Variants in ME1 observed in about 807,000 individuals in gnomAD.
The protein encoded by ME1 is NADP-dependent malic enzyme.
In ME1, 74 loss-of-function variants were observed where a neutral mutation model predicts 66.4. The observed-to-expected ratio is 1.11, with a 90% CI of 0.92 to 1.35. The LOEUF (loss-of-function observed/expected upper bound fraction) is 1.35. ME1 is among the 40% of genes most tolerant of loss of function. ME1 has a pLI of 0.00. For missense variants in ME1, 750 were observed against 694.1 expected, an observed-to-expected ratio of 1.08 and a Z score of -0.90; for synonymous variants, 251 against 235.6, an observed-to-expected ratio of 1.07 and a Z score of -0.60.
At chr6:83,371,212 T>TTA (rs1562492735) in intron 3 of ME1, among the ~76,000 whole-genome samples, 2 of 152,216 alleles carry the variant, frequency 1.3e-5, no homozygotes, top group African/African-American at 4.8e-5. Context: ...GAGCAATAGC[T>TTA]TCTTAGTTGA....
chr6:83,364,662 A>G (rs1769065993), intron 3 of ME1, among the ~76,000 whole-genome samples: 1 of 152,152 alleles, frequency 6.6e-6, no homozygotes, highest in Non-Finnish European at 1.5e-5. Context: ...GAGACTATAT[A>G]TAGGTACATA....
intron 1 of ME1, among the ~76,000 whole-genome samples, chr6:83,428,847 T>C (rs1770423831): frequency 6.6e-6 from 1 of 152,232 alleles, no homozygotes; most frequent in Non-Finnish European, 1.5e-5. Flanking sequence ...AAAATGTGCT[T>C]TTAACATATT....
chr6:83,302,370 G>A (rs558483423), intron 6 of ME1, among the ~76,000 whole-genome samples: 2 of 152,172 alleles, frequency 1.3e-5, no homozygotes, highest in East Asian at 3.9e-4. Flanking sequence ...CTTAGTTCCT[G>A]GGTGATGAAA....
At chr6:83,253,418 T>C (rs1790756231) in intron 7 of ME1, among the ~76,000 whole-genome samples, 1 of 152,164 alleles carries the variant, frequency 6.6e-6, no homozygotes, top group Admixed American at 6.6e-5. Flanking sequence ...GCTCATTTTC[T>C]AGCTAATTGA....
At chr6:83,249,012 T>G (rs1790673151) in intron 7 of ME1, among the ~76,000 whole-genome samples, 1 of 152,094 alleles carries the variant, frequency 6.6e-6, no homozygotes, top group South Asian at 2.1e-4. Flanking sequence ...TAAAAAAGAA[T>G]AAAACACAGT....
chr6:83,213,493 C>A (rs1230055718), intron 13 of ME1, among the ~76,000 whole-genome samples: 1 of 152,034 alleles, frequency 6.6e-6, no homozygotes, highest in Non-Finnish European at 1.5e-5. Flanking sequence ...GCCTCAGCCT[C>A]CCAAGGGTTA....
intron 6 of ME1, among the ~76,000 whole-genome samples, chr6:83,310,248 T>C (rs975850680): frequency 6.6e-6 from 1 of 152,098 alleles, no homozygotes; most frequent in African/African-American, 2.4e-5. Context: ...CAGTGACTAA[T>C]TGATGCAGGA....
intron 7 of ME1, among the ~76,000 whole-genome samples, chr6:83,243,976 T>A (rs1050066229): frequency 6.7e-6 from 1 of 149,776 alleles, no homozygotes; most frequent in Non-Finnish European, 1.5e-5. Flanking sequence ...CTCTGGAAGT[T>A]TGAAAGAAAA....
At chr6:83,284,427 A>C (rs1253468565) in intron 6 of ME1, among the ~76,000 whole-genome samples, 1 of 152,142 alleles carries the variant, frequency 6.6e-6, no homozygotes, top group African/African-American at 2.4e-5. Context: ...AAAACCTGGC[A>C]AAGACACAAC....
intron 3 of ME1, among the ~76,000 whole-genome samples, chr6:83,375,040 G>T (rs1769260869): frequency 6.6e-6 from 1 of 152,074 alleles, no homozygotes; most frequent in African/African-American, 2.4e-5. Context: ...GAGGCCTCTG[G>T]CTTCATTCTT....
At chr6:83,267,961 T>A (rs1451820257) in intron 6 of ME1, among the ~76,000 whole-genome samples, 1 of 152,182 alleles carries the variant, frequency 6.6e-6, no homozygotes, top group Non-Finnish European at 1.5e-5. Context: ...AAGTGTCACA[T>A]TCTTCTTTTT....
chr6:83,357,935 C>CTCTCTCTCTCTCTCTATATATA (rs1447805761), intron 3 of ME1, among the ~76,000 whole-genome samples: 1 of 30,038 alleles, frequency 3.3e-5, no homozygotes, highest in African/African-American at 1.2e-4. Context: ...CTCTCTCTCT[C>CTCTCTCTCTCTCTCTATATATA]TATATATATA....
rs988982767 is a variant in ME1, at chr6:83,352,124, A to G, written c.378T>C (p.Thr126=). ...VFRKPRGLFI[T]IHDRGHIASV... ...AAGCAATATGCCCTCGATCGTGGAT[A>G]GTAATAAAGAGACCTCTGCAGAAAA... Residue 126 remains threonine, a synonymous_variant, in exon 4 of 14, where the codon ACT becomes ACC. Transcript: ENST00000369705. 1.8e-5 allele frequency: 23 copies of G among 1,298,556 alleles called. No individual in the cohort carries two copies. Among genetic ancestry groups the G allele is most frequent in the East Asian group, 2.6e-5 (1 of 38,380 alleles). 80.4% of individuals were successfully genotyped at this position (1,298,556 alleles called of 1,614,324 possible).
At chr6:83,261,873 G>T (rs1370034652) in intron 6 of ME1, among the ~76,000 whole-genome samples, 1 of 151,920 alleles carries the variant, frequency 6.6e-6, no homozygotes, top group Non-Finnish European at 1.5e-5. Flanking sequence ...AATTAGCTAG[G>T]CGTGGTGGCA....
intron 12 of ME1, among the ~76,000 whole-genome samples, chr6:83,220,627 T>C (rs1470202803): frequency 6.6e-6 from 1 of 152,228 alleles, no homozygotes; most frequent in African/African-American, 2.4e-5. Context: ...ATATCTCCTA[T>C]ATGTTACTTT....
At chr6:83,374,412 T>C (rs1444940180) in intron 3 of ME1, among the ~76,000 whole-genome samples, 2 of 152,222 alleles carry the variant, frequency 1.3e-5, no homozygotes, top group African/African-American at 4.8e-5. Context: ...TTGAGAAGTG[T>C]CTGTTCACGT....
At chr6:83,297,793 T>A (rs1767627553) in intron 6 of ME1, among the ~76,000 whole-genome samples, 1 of 152,156 alleles carries the variant, frequency 6.6e-6, no homozygotes, top group Non-Finnish European at 1.5e-5. Flanking sequence ...CCTGTGTCCA[T>A]GTGTTCTCAT....
intron 6 of ME1, 49 bp downstream of exon 6, chr6:83,315,261 G>C: frequency 8.9e-7 from 1 of 1,126,658 alleles, no homozygotes. Flanking sequence ...TTAATAGTCT[G>C]TTATGTTATT....
Position 83,262,375 on chromosome 6 carries a change from T to G in ME1, c.705-8637A>C, listed in dbSNP as rs75758427. On this transcript the variant is annotated intron_variant, in intron 6 of 13. Coordinates refer to ENST00000369705, the MANE Select transcript of ME1 (RefSeq NM_002395.6). ...GCCTAAAATGCCTTCATATAAGGGA[T>G]GCAGAAATTTAGAAAATGCTTTTAT... 2.5e-4 allele frequency among the ~76,000 whole-genome samples: 38 copies of G among 152,312 alleles called. No individual in the cohort carries two copies. In the East Asian group the frequency reaches 5.6e-3, roughly 22 times the overall value.
Sources: allele counts gnomAD v4.1 joint callset (sites outside exome capture counted in the v4.1 genomes callset), GRCh38; gene constraint gnomAD v4.1.1; transcripts MANE v1.5; gene names NCBI Gene and HGNC (gene_info 2026-07-23, HGNC 2026-07-21).